IL1RAPL2: variants seen among roughly 807,000 people sequenced by gnomAD.
IL1RAPL2 encodes interleukin 1 receptor accessory protein like 2.
Under a neutral mutation model 44.1 loss-of-function variants are expected in IL1RAPL2, and 3 were observed. The ratio of observed to expected loss-of-function variants is 0.07; its 90% CI spans 0.03 to 0.18. IL1RAPL2 has a LOEUF of 0.18. Among genes scored for constraint, IL1RAPL2 ranks in the 10% least tolerant of loss-of-function variants. The probability of loss-of-function intolerance (pLI) is 1.00; values close to 1 mark genes in which losing one functional copy is unlikely to be tolerated. For synonymous variants in IL1RAPL2, 181 were observed against 178.8 expected, an observed-to-expected ratio of 1.01 and a Z score of -0.10; for missense variants, 391 against 496.4, an observed-to-expected ratio of 0.79 and a Z score of 2.02.
intron 2 of IL1RAPL2, among the ~76,000 whole-genome samples, chrX:105,169,492 CTTT>C (rs748101220): frequency 2.4e-4 from 10 of 41,585 alleles, no homozygotes; most frequent in South Asian, 1.2e-3. Flanking sequence ...TTCTTTCTTT[CTTT>C]TTTTTTTTTT....
chrX:105,122,530 T>A (rs1005442792), intron 2 of IL1RAPL2, among the ~76,000 whole-genome samples: 3 of 111,481 alleles, frequency 2.7e-5, no homozygotes, highest in Non-Finnish European at 5.7e-5. Flanking sequence ...CAAAAGATGA[T>A]CATCAGACAG....
At chrX:104,738,793 A>G (rs1053567680) in intron 2 of IL1RAPL2, among the ~76,000 whole-genome samples, 1 of 111,162 alleles carries the variant, frequency 9.0e-6, no homozygotes, top group Non-Finnish European at 1.9e-5. Context: ...TTAAAAAATT[A>G]GCCAGATGTG....
chrX:105,259,881 G>A (rs1428806786), intron 4 of IL1RAPL2, among the ~76,000 whole-genome samples: 1 of 111,874 alleles, frequency 8.9e-6, no homozygotes. Context: ...ATAACAGTCT[G>A]GTCAGTTTTT....
At chrX:104,847,804 G>T (rs1377602559) in intron 2 of IL1RAPL2, among the ~76,000 whole-genome samples, 1 of 111,730 alleles carries the variant, frequency 9.0e-6, no homozygotes, top group African/African-American at 3.3e-5. Flanking sequence ...TTTTCACGAT[G>T]TTGATTCTTC....
At chrX:104,794,207 C>T (rs1289771692) in intron 2 of IL1RAPL2, among the ~76,000 whole-genome samples, 6 of 111,879 alleles carry the variant, frequency 5.4e-5, no homozygotes. Context: ...CAGCTCTGTA[C>T]AGGAGGTCAC....
intron 1 of IL1RAPL2, among the ~76,000 whole-genome samples, chrX:104,578,515 G>T (rs1928282511): frequency 9.0e-6 from 1 of 111,619 alleles, no homozygotes; most frequent in Non-Finnish European, 1.9e-5. Flanking sequence ...TCCCAAGGCA[G>T]AGATCACGTG....
At chrX:105,441,508 G>A (rs1009703623) in intron 5 of IL1RAPL2, among the ~76,000 whole-genome samples, 14 of 111,634 alleles carry the variant, frequency 1.3e-4, no homozygotes, top group Admixed American at 9.5e-5. Context: ...GTATAATGAC[G>A]TATTTACCTA....
chrX:104,901,721 C>T (rs2147673996), intron 2 of IL1RAPL2, among the ~76,000 whole-genome samples: 1 of 111,330 alleles, frequency 9.0e-6, no homozygotes, highest in South Asian at 3.9e-4. Context: ...AAATTCCTGC[C>T]CTGCCGTTTA....
chrX:105,073,038 T>C (rs180781868), intron 2 of IL1RAPL2, among the ~76,000 whole-genome samples: 220 of 105,278 alleles, frequency 2.1e-3, no homozygotes, highest in African/African-American at 6.6e-3. Context: ...ACATTTTCTT[T>C]TTTTTTCTTT....
intron 2 of IL1RAPL2, among the ~76,000 whole-genome samples, chrX:105,066,688 C>T (rs762864222): frequency 5.4e-5 from 6 of 111,453 alleles, no homozygotes; most frequent in Non-Finnish European, 1.1e-4. Flanking sequence ...CCCCTTTCTC[C>T]GTCGACACAT....
intron 2 of IL1RAPL2, among the ~76,000 whole-genome samples, chrX:105,184,617 TATG>T (rs1252122609): frequency 9.1e-6 from 1 of 110,090 alleles, no homozygotes; most frequent in Non-Finnish European, 1.9e-5. Flanking sequence ...CAAGTATACA[TATG>T]ATAATGGTAT....
At chrX:104,811,517 CT>C (rs79223670) in intron 2 of IL1RAPL2, among the ~76,000 whole-genome samples, 1 of 109,314 alleles carries the variant, frequency 9.1e-6, no homozygotes, top group African/African-American at 3.3e-5. Context: ...TTTTCCCCCT[CT>C]TTTTTTTTCT....
chrX:105,447,750 A>C (rs1361910379), intron 5 of IL1RAPL2, among the ~76,000 whole-genome samples: 19 of 86,779 alleles, frequency 2.2e-4, no homozygotes, highest in Admixed American at 6.3e-4. Context: ...TATGTTATAC[A>C]TATAAATATG....
intron 10 of IL1RAPL2, among the ~76,000 whole-genome samples, chrX:105,758,220 C>G (rs1487484760): frequency 9.0e-6 from 1 of 111,606 alleles, no homozygotes; most frequent in Non-Finnish European, 1.9e-5. Flanking sequence ...TTCATAAAAT[C>G]ATTCTTGATC....
intron 5 of IL1RAPL2, among the ~76,000 whole-genome samples, chrX:105,350,076 G>A (rs1402402437): frequency 8.9e-6 from 1 of 111,951 alleles, no homozygotes; most frequent in African/African-American, 3.2e-5. Context: ...CAATGCCTTC[G>A]TTTATGCCTT....
intron 5 of IL1RAPL2, among the ~76,000 whole-genome samples, chrX:105,351,577 A>C (rs899579343): frequency 2.2e-4 from 24 of 110,422 alleles, no homozygotes; most frequent in African/African-American, 7.6e-4. Context: ...GGGAGTTGAA[A>C]AATGAGAACA....
At chrX:105,519,307 T>C (rs2036538818) in intron 6 of IL1RAPL2, among the ~76,000 whole-genome samples, 1 of 112,023 alleles carries the variant, frequency 8.9e-6, no homozygotes, top group Non-Finnish European at 1.9e-5. Flanking sequence ...TCCCCAGATA[T>C]CTCCAACACA....
chrX:105,572,476 C>A (rs948875120), intron 6 of IL1RAPL2, among the ~76,000 whole-genome samples: 1 of 111,746 alleles, frequency 8.9e-6, no homozygotes, highest in East Asian at 2.8e-4. Context: ...TATATATTAT[C>A]TTAAGTACAG....
intron 7 of IL1RAPL2, among the ~76,000 whole-genome samples, chrX:105,732,121 A>C (rs181422064): frequency 2.7e-4 from 30 of 111,863 alleles, no homozygotes; most frequent in African/African-American, 9.4e-4. Context: ...AGCTGGTTAA[A>C]CATCTACTAT....
Sources: allele counts gnomAD v4.1 joint callset (sites outside exome capture counted in the v4.1 genomes callset), GRCh38; gene constraint gnomAD v4.1.1; transcripts MANE v1.5; gene names NCBI Gene and HGNC (gene_info 2026-07-23, HGNC 2026-07-21).